PPP1R12A: variants seen among roughly 807,000 people sequenced by gnomAD.
The protein encoded by PPP1R12A is protein phosphatase 1 regulatory subunit 12A, also known as myosin binding subunit.
In PPP1R12A, 19 loss-of-function variants were observed where a neutral mutation model predicts 139.6. That is an observed-to-expected ratio of 0.14 (90% CI 0.09 to 0.20). The LOEUF (loss-of-function observed/expected upper bound fraction) is 0.20, where lower values mean the gene tolerates loss of function less well. PPP1R12A is among the 10% of genes least tolerant of loss of function. The probability of loss-of-function intolerance (pLI) is 1.00; values close to 1 mark genes in which losing one functional copy is unlikely to be tolerated. For missense variants in PPP1R12A, 925 were observed against 1,211.5 expected (o/e 0.76, Z 3.51); for synonymous variants, 427 against 420.6 (o/e 1.02, Z -0.19).
chr12:79,850,829 T>C (rs1334918487), intron 2 of PPP1R12A, among the ~76,000 whole-genome samples: 1 of 152,144 alleles, frequency 6.6e-6, no homozygotes, highest in Non-Finnish European at 1.5e-5. Flanking sequence ...CCTCCCTCTT[T>C]GCTCTCTTTC....
At chr12:79,912,798 C>T (rs1343906339) in intron 1 of PPP1R12A, among the ~76,000 whole-genome samples, 3 of 151,918 alleles carry the variant, frequency 2.0e-5, no homozygotes, top group Admixed American at 2.0e-4. Flanking sequence ...TTTTTATAAC[C>T]AATCACTTTA....
At chr12:79,931,691 G>A (rs1888265190) in intron 1 of PPP1R12A, among the ~76,000 whole-genome samples, 1 of 152,102 alleles carries the variant, frequency 6.6e-6, no homozygotes, top group African/African-American at 2.4e-5. Flanking sequence ...TGCCCCATTG[G>A]TAATAATGAA....
At chr12:79,822,811 ATTTTT>A (rs34115550) in intron 5 of PPP1R12A, among the ~76,000 whole-genome samples, 1 of 129,904 alleles carries the variant, frequency 7.7e-6, no homozygotes, top group Admixed American at 7.6e-5. Context: ...GGACATCTGC[ATTTTT>A]TTTTTTTTTT....
In PPP1R12A at chr12:79,872,790, A is replaced by G. The variant is rs774324602; in HGVS notation, c.368+18T>C. On this transcript the variant is annotated intron_variant, in intron 2 of 24. Transcript: ENST00000450142. ...TCAAACAGTATTAGAATAAAATGAA[A>G]ACACAGAACTGGCTTACTCTGCAAT... The G allele has an allele frequency of 4.3e-6, 7 of 1,611,588 alleles. No homozygotes were observed. In the Admixed American group the frequency reaches 1.2e-4, roughly 27 times the overall value.
intron 9 of PPP1R12A, among the ~76,000 whole-genome samples, chr12:79,812,057 A>G (rs1874603815): frequency 6.6e-6 from 1 of 152,156 alleles, no homozygotes; most frequent in African/African-American, 2.4e-5. Context: ...TTTCAACCTT[A>G]TAATTACCCA....
intron 3 of PPP1R12A, 176 bp from the exon 4 acceptor site, chr12:79,832,667 C>G (rs1877568325): frequency 4.2e-6 from 2 of 474,232 alleles, no homozygotes; most frequent in Non-Finnish European, 7.0e-6. Flanking sequence ...TATTGTAGAC[C>G]TTGTATTAAC....
intron 1 of PPP1R12A, among the ~76,000 whole-genome samples, chr12:79,913,275 A>G (rs1886734766): frequency 6.6e-6 from 1 of 152,212 alleles, no homozygotes; most frequent in South Asian, 2.1e-4. Flanking sequence ...TCCCTACCCG[A>G]AGGTTATGAA....
At chr12:79,879,824 T>G (rs1324570584) in intron 1 of PPP1R12A, among the ~76,000 whole-genome samples, 4 of 151,930 alleles carry the variant, frequency 2.6e-5, no homozygotes, top group Non-Finnish European at 4.4e-5. Flanking sequence ...ATTGTATACT[T>G]AAGAGTTGTA....
chr12:79,904,907 G>A (rs1054849206), intron 1 of PPP1R12A, among the ~76,000 whole-genome samples: 4 of 152,112 alleles, frequency 2.6e-5, no homozygotes, highest in African/African-American at 9.7e-5. Flanking sequence ...ACTGAAGCAT[G>A]TTCACTCGGA....
At chr12:79,821,348 C>T (rs755574814) in intron 6 of PPP1R12A, among the ~76,000 whole-genome samples, 182 bp from the exon 7 acceptor site, 1 of 152,130 alleles carries the variant, frequency 6.6e-6, no homozygotes, top group Non-Finnish European at 1.5e-5. Context: ...ATAGACTAGA[C>T]AATTAAAAAG....
chr12:79,860,410 T>G (rs1016375821), intron 2 of PPP1R12A, among the ~76,000 whole-genome samples: 1 of 152,152 alleles, frequency 6.6e-6, no homozygotes, highest in African/African-American at 2.4e-5. Context: ...TAAACTATAA[T>G]GAATACTACA....
In PPP1R12A at chr12:79,797,358, G is replaced by A. The variant is rs762158654; in HGVS notation, c.2129C>T (p.Thr710Ile). ...TCGGGTAGAACGACTTCTTCCTATT[G>A]TTTTCTCAGCTTCTTGAAGATCAGT... is the stretch of plus-strand genomic sequence containing the variant. ...TLTDLQEAEK[T>I]IGRSRSTRTR... The change falls in exon 16 of 25, where the codon ACA (threonine) becomes ATA (isoleucine). Residue 710 changes from threonine to isoleucine, a missense_variant. This residue lies in a region of PPP1R12A where 315 missense variants were observed against 363.4 expected (regional missense o/e 0.87). Transcript: ENST00000450142. 6.2e-7 allele frequency: 1 copy of A among 1,602,720 alleles called. No homozygotes were observed. The highest frequency in any genetic ancestry group is 2.2e-5 in the East Asian group (1 of 44,630).
At chr12:79,821,523 C>T (rs1282530995) in intron 6 of PPP1R12A, among the ~76,000 whole-genome samples, 1 of 152,026 alleles carries the variant, frequency 6.6e-6, no homozygotes, top group African/African-American at 2.4e-5. Context: ...GAGGCCAAGG[C>T]GGGAGGACTG....
chr12:79,805,748 G>C lies in PPP1R12A; in HGVS notation c.1844C>G (p.Ala615Gly). 1 of 1,612,444 alleles carries C rather than the reference G, an allele frequency of 6.2e-7. No homozygotes were observed. Among genetic ancestry groups the C allele is most frequent in the Non-Finnish European group, 8.5e-7 (1 of 1,179,070 alleles). ...CTTTTCTTTCTCAGTACTATCCTCA[G>C]CCCACAAACGATTTGAGGTACTATA... ...TQSSTSNRLW[A>G]EDSTEKEKDS... The change falls in exon 14 of 25, where the codon GCT becomes GGT. Residue 615 changes from alanine to glycine, a missense_variant. Ala to Gly is a moderately conservative substitution (Grantham distance 60, BLOSUM62 0). Around this residue, in one of 4 missense-constraint regions of PPP1R12A, gnomAD observed 403 missense variants for 463.7 expected, o/e 0.87. Transcript: ENST00000450142.
Position 79,922,453 on chromosome 12 carries a change from C to G in PPP1R12A, c.237+12242G>C, listed in dbSNP as rs1387879425. 4.6e-5 allele frequency among the ~76,000 whole-genome samples: 7 copies of G among 152,192 alleles called. No homozygotes were observed. In the East Asian group the frequency reaches 9.7e-4, roughly 21 times the overall value. ...ACTTAGAACTAACCCAAATCCCCAT[C>G]AATGATGAACTGGATAAAGAAAATG... On this transcript the variant is annotated intron_variant, in intron 1 of 24. Coordinates refer to ENST00000450142, the MANE Select transcript of PPP1R12A (RefSeq NM_002480.3).
chr12:79,781,020 G>C (rs1213592938), intron 23 of PPP1R12A, among the ~76,000 whole-genome samples: 1 of 151,814 alleles, frequency 6.6e-6, no homozygotes, highest in African/African-American at 2.4e-5. Flanking sequence ...TTTACTCTTT[G>C]ATCATAGCTA....
At chr12:79,892,466 G>A (rs1884744260) in intron 1 of PPP1R12A, among the ~76,000 whole-genome samples, 1 of 152,074 alleles carries the variant, frequency 6.6e-6, no homozygotes, top group Non-Finnish European at 1.5e-5. Flanking sequence ...TTACTTTTGA[G>A]GAGACAGGGC....
rs1880099761 is a variant in PPP1R12A at position 79,852,014 on chromosome 12, T to C, written c.369-6594A>G. On this transcript the variant is annotated intron_variant, in intron 2 of 24. Transcript: ENST00000450142. The stretch of plus-strand genomic sequence containing the variant: ...TTGCTAAGACTTTCTATTTTTTCAT[T>C]TGTTTCAGGCATGCTCATTCATAAT... Among the ~76,000 whole-genome samples the C allele has an allele frequency of 1.3e-5, 2 of 152,184 alleles. 1 individual carries two copies. Among genetic ancestry groups the C allele is most frequent in the South Asian group, 4.1e-4 (2 of 4,832 alleles).
chr12:79,829,173 T>A (rs1877126232), intron 4 of PPP1R12A, among the ~76,000 whole-genome samples: 1 of 152,116 alleles, frequency 6.6e-6, no homozygotes, highest in Admixed American at 6.6e-5. Context: ...ACAACAACCT[T>A]TATTTTATTT....
Sources: allele counts gnomAD v4.1 joint callset (sites outside exome capture counted in the v4.1 genomes callset), GRCh38; gene constraint gnomAD v4.1.1; regional missense constraint gnomAD v4.1.1; transcripts MANE v1.5; gene names NCBI Gene and HGNC (gene_info 2026-07-23, HGNC 2026-07-21).